TBC1D5: variants seen among roughly 807,000 people sequenced by gnomAD.
TBC1D5 encodes the protein TBC1 domain family, member 5.
Under a neutral mutation model 100.3 loss-of-function variants are expected in TBC1D5, and 75 were observed. That is an observed-to-expected ratio of 0.75 (90% CI 0.62 to 0.91). The LOEUF is 0.91. Among genes scored for constraint, TBC1D5 ranks in the 40% least tolerant of loss-of-function variants. TBC1D5 has a pLI of 0.00. For synonymous variants in TBC1D5, 323 were observed against 325.6 expected (o/e 0.99, Z 0.09); for missense variants, 910 against 942.4 (o/e 0.97, Z 0.45).
At chr3:17,479,779 G>A (rs1351127059) in intron 3 of TBC1D5, among the ~76,000 whole-genome samples, 1 of 152,208 alleles carries the variant, frequency 6.6e-6, no homozygotes, top group Non-Finnish European at 1.5e-5. Flanking sequence ...TGGCCTGTTT[G>A]GTGGGGCCAC....
chr3:17,411,684 T>C (rs1356935193), intron 4 of TBC1D5, among the ~76,000 whole-genome samples: 1 of 152,164 alleles, frequency 6.6e-6, no homozygotes, highest in African/African-American at 2.4e-5. Context: ...TTCATTGCCA[T>C]CTTGTCAAGT....
chr3:17,481,455 C>G (rs988548945), intron 3 of TBC1D5, among the ~76,000 whole-genome samples: 1 of 152,174 alleles, frequency 6.6e-6, no homozygotes, highest in East Asian at 1.9e-4. Flanking sequence ...AGCAACACCC[C>G]AAGTAGCCCA....
At chr3:17,401,001 G>A (rs1016317584) in intron 8 of TBC1D5, among the ~76,000 whole-genome samples, 2 of 151,814 alleles carry the variant, frequency 1.3e-5, no homozygotes, top group Non-Finnish European at 2.9e-5. Flanking sequence ...GCCTATTGTG[G>A]GACTTCACCA....
intron 17 of TBC1D5, among the ~76,000 whole-genome samples, chr3:17,218,087 CA>C (rs1288311902): frequency 1.3e-5 from 2 of 151,954 alleles, no homozygotes; most frequent in African/African-American, 2.4e-5. Context: ...CTAGTTTTCC[CA>C]GAACTATTTG....
At chr3:17,406,277 G>A (rs1031650656) in intron 5 of TBC1D5, 141 bp downstream of exon 5, 4 of 669,742 alleles carry the variant, frequency 6.0e-6, no homozygotes, top group Non-Finnish European at 9.9e-6. Context: ...TCCTATGAAA[G>A]ATAAACATAG....
intron 13 of TBC1D5, among the ~76,000 whole-genome samples, chr3:17,311,766 T>C (rs1000992861): frequency 3.9e-5 from 6 of 152,040 alleles, no homozygotes; most frequent in Non-Finnish European, 5.9e-5. Flanking sequence ...ACAAGTAACG[T>C]AGAAACGTTA....
chr3:17,592,995 C>A (rs1407500384), intron 2 of TBC1D5, among the ~76,000 whole-genome samples: 2 of 152,118 alleles, frequency 1.3e-5, no homozygotes, highest in Non-Finnish European at 2.9e-5. Flanking sequence ...GTGGGTCGTG[C>A]ACAGAAGCAT....
At chr3:17,454,522 C>T (rs370952400) in intron 3 of TBC1D5, among the ~76,000 whole-genome samples, 47 of 152,050 alleles carry the variant, frequency 3.1e-4, no homozygotes, top group African/African-American at 1.0e-3. Flanking sequence ...TGCAGTGGTA[C>T]GATCTCGGCT....
At chr3:17,628,561 G>A (rs1419501283) in intron 1 of TBC1D5, among the ~76,000 whole-genome samples, 1 of 152,018 alleles carries the variant, frequency 6.6e-6, no homozygotes, top group Non-Finnish European at 1.5e-5. Flanking sequence ...GTAAAATAAG[G>A]CTTTAGAAAA....
intron 15 of TBC1D5, among the ~76,000 whole-genome samples, chr3:17,284,495 C>T (rs1280513606): frequency 6.6e-6 from 1 of 152,072 alleles, no homozygotes; most frequent in Non-Finnish European, 1.5e-5. Context: ...ATGGTAAGAG[C>T]CATATGTATT....
intron 15 of TBC1D5, among the ~76,000 whole-genome samples, chr3:17,262,776 C>A (rs899751814): frequency 6.6e-6 from 1 of 151,980 alleles, no homozygotes; most frequent in Non-Finnish European, 1.5e-5. Flanking sequence ...CCACCACACC[C>A]GGCCGACAAT....
chr3:17,271,173 A>T (rs2079384926), intron 15 of TBC1D5, among the ~76,000 whole-genome samples: 1 of 152,146 alleles, frequency 6.6e-6, no homozygotes, highest in Admixed American at 6.5e-5. Context: ...ATTTGATAGA[A>T]ATAGCAGTTT....
intron 1 of TBC1D5, among the ~76,000 whole-genome samples, chr3:17,633,266 G>T (rs1045856879): frequency 6.6e-6 from 1 of 151,866 alleles, no homozygotes; most frequent in Non-Finnish European, 1.5e-5. Flanking sequence ...GTGAAGTCTC[G>T]TCTCTACTAA....
chr3:17,449,532 A>T (rs2094877511), intron 3 of TBC1D5, among the ~76,000 whole-genome samples: 2 of 152,156 alleles, frequency 1.3e-5, no homozygotes, highest in South Asian at 4.1e-4. Flanking sequence ...GACCTGGGAT[A>T]CTCAAGCTTG....
intron 2 of TBC1D5, among the ~76,000 whole-genome samples, chr3:17,584,070 G>GA (rs1442681817): frequency 2.6e-5 from 4 of 152,116 alleles, no homozygotes. Flanking sequence ...TATGTTAAAC[G>GA]AAAGAAGCCA....
intron 1 of TBC1D5, among the ~76,000 whole-genome samples, chr3:17,727,383 A>G (rs1391715582): frequency 6.6e-6 from 1 of 152,202 alleles, no homozygotes; most frequent in Non-Finnish European, 1.5e-5. Flanking sequence ...TCGGTCTCAA[A>G]AAAAGTACAA....
chr3:17,529,282 C>G (rs1334367841), intron 2 of TBC1D5, among the ~76,000 whole-genome samples: 1 of 152,198 alleles, frequency 6.6e-6, no homozygotes, highest in African/African-American at 2.4e-5. Flanking sequence ...AACAGAAGTT[C>G]TTTCCAGCCG....
intron 2 of TBC1D5, among the ~76,000 whole-genome samples, chr3:17,568,649 T>A (rs189269147): frequency 1.9e-4 from 29 of 151,710 alleles, no homozygotes; most frequent in Admixed American, 1.9e-3. Context: ...AACTTTTTGT[T>A]CTGTATTGGC....
chr3:17,545,250 C>T (rs1431984735), intron 2 of TBC1D5, among the ~76,000 whole-genome samples: 1 of 152,094 alleles, frequency 6.6e-6, no homozygotes, highest in Non-Finnish European at 1.5e-5. Context: ...TAATCCAATA[C>T]AACTTATTCC....
Sources: gnomAD v4.1 joint callset for allele counts (sites outside exome capture counted in the v4.1 genomes callset) on GRCh38, gnomAD v4.1.1 for gene constraint, MANE v1.5 for transcripts, NCBI Gene and HGNC (gene_info 2026-07-23, HGNC 2026-07-21) for gene names.